The following CCDC171 variants were observed in gnomAD, a reference collection of about 807,000 sequenced individuals.
CCDC171 encodes the protein coiled-coil domain containing 171, also known as coiled-coil domain-containing protein 171.
Under a neutral mutation model 168.2 loss-of-function variants are expected in CCDC171, and 177 were observed. The observed-to-expected ratio is 1.05, with a 90% CI of 0.93 to 1.19. The LOEUF (loss-of-function observed/expected upper bound fraction) is 1.19. CCDC171 is among the 50% of genes most tolerant of loss of function. The probability of loss-of-function intolerance (pLI) is 0.00; values close to 1 mark genes in which losing one functional copy is unlikely to be tolerated. For missense variants in CCDC171, 1,991 were observed against 1,539.0 expected, an observed-to-expected ratio of 1.29 and a Z score of -4.91; for synonymous variants, 687 against 540.8, an observed-to-expected ratio of 1.27 and a Z score of -3.75.
intron 21 of CCDC171, among the ~76,000 whole-genome samples, chr9:15,808,437 T>C (rs976433767): frequency 1.3e-5 from 2 of 151,882 alleles, no homozygotes; most frequent in African/African-American, 2.4e-5. Flanking sequence ...GATGATAGAG[T>C]CCAAACAAGA....
intron 10 of CCDC171, among the ~76,000 whole-genome samples, chr9:15,690,969 T>G (rs999206924): frequency 2.0e-5 from 3 of 152,202 alleles, no homozygotes; most frequent in Non-Finnish European, 4.4e-5. Context: ...TATTGGCAAA[T>G]GGATGCTCAT....
chr9:15,716,618 A>G (rs1221067421), intron 11 of CCDC171, among the ~76,000 whole-genome samples: 1 of 152,178 alleles, frequency 6.6e-6, no homozygotes, highest in Non-Finnish European at 1.5e-5. Context: ...TATTTCTTAC[A>G]GTTCTGGAGG....
chr9:15,636,362 T>C (rs2046199951), intron 7 of CCDC171, among the ~76,000 whole-genome samples: 1 of 152,204 alleles, frequency 6.6e-6, no homozygotes, highest in African/African-American at 2.4e-5. Context: ...CATATTGTCT[T>C]GTGCTGAACA....
At chr9:15,619,010 T>G (rs1587458163) in intron 6 of CCDC171, among the ~76,000 whole-genome samples, 1 of 152,228 alleles carries the variant, frequency 6.6e-6, no homozygotes, top group Middle Eastern at 3.4e-3. Flanking sequence ...CTATTGTAAT[T>G]GTTTTGGGGC....
At chr9:15,796,321 A>T (rs1320546157) in intron 21 of CCDC171, among the ~76,000 whole-genome samples, 1 of 152,158 alleles carries the variant, frequency 6.6e-6, no homozygotes, top group Non-Finnish European at 1.5e-5. Flanking sequence ...GATAATAAGA[A>T]ATTAAGAGGA....
intron 21 of CCDC171, among the ~76,000 whole-genome samples, chr9:15,801,794 T>C (rs745712792): frequency 4.2e-4 from 64 of 152,112 alleles, no homozygotes; most frequent in Non-Finnish European, 8.2e-4. Flanking sequence ...ATGTTCCTTA[T>C]ATCCCCATTT....
intron 14 of CCDC171, 145 bp downstream of exon 14, chr9:15,725,121 A>C (rs118179972): frequency 3.2e-6 from 2 of 624,860 alleles, no homozygotes; most frequent in Non-Finnish European, 5.6e-6. Flanking sequence ...CTACAAAATC[A>C]CTCCATTACT....
chr9:15,554,131 T>G (rs1314426194), intron 1 of CCDC171, among the ~76,000 whole-genome samples: 1 of 152,000 alleles, frequency 6.6e-6, no homozygotes, highest in Non-Finnish European at 1.5e-5. Context: ...GCCATTCTCC[T>G]GTCTCAGCCT....
At chr9:15,866,876 T>C (rs2061811726) in intron 23 of CCDC171, among the ~76,000 whole-genome samples, 1 of 152,058 alleles carries the variant, frequency 6.6e-6, no homozygotes, top group Admixed American at 6.6e-5. Context: ...TGGTACCCAG[T>C]AGGCACTTAA....
chr9:15,620,934 G>T (rs1353250791), intron 6 of CCDC171, among the ~76,000 whole-genome samples: 1 of 150,882 alleles, frequency 6.6e-6, no homozygotes, highest in Non-Finnish European at 1.5e-5. Flanking sequence ...ATGATGGTTA[G>T]CATTTTTTTT....
intron 9 of CCDC171, among the ~76,000 whole-genome samples, chr9:15,669,665 A>G (rs1397207790): frequency 1.3e-5 from 2 of 152,190 alleles, no homozygotes. Flanking sequence ...GCTGGGCAAT[A>G]GTAGGGAGAA....
chr9:15,755,062 T>C (rs1323979648), intron 18 of CCDC171, among the ~76,000 whole-genome samples: 4 of 152,182 alleles, frequency 2.6e-5, no homozygotes, highest in African/African-American at 9.6e-5. Flanking sequence ...ATTGTATGTT[T>C]GAAAGAGGTT....
chr9:15,592,351 G>C (rs961936101), intron 5 of CCDC171, among the ~76,000 whole-genome samples: 1 of 150,202 alleles, frequency 6.7e-6, no homozygotes, highest in African/African-American at 2.5e-5. Flanking sequence ...CCCCAAAAAA[G>C]CAAAAAAACA....
intron 18 of CCDC171, among the ~76,000 whole-genome samples, chr9:15,747,318 C>T (rs1431526332): frequency 6.6e-6 from 1 of 152,190 alleles, no homozygotes; most frequent in African/African-American, 2.4e-5. Context: ...GCTGTGGGCA[C>T]AGCTTCTGCA....
intron 3 of CCDC171, among the ~76,000 whole-genome samples, chr9:16,002,894 A>G (rs1262587606): frequency 6.6e-6 from 1 of 152,238 alleles, no homozygotes; most frequent in Non-Finnish European, 1.5e-5. Context: ...AACATGCTGT[A>G]AAGATTGGTA....
chr9:15,664,539 G>C (rs2048572254), intron 8 of CCDC171, among the ~76,000 whole-genome samples: 1 of 100,662 alleles, frequency 9.9e-6, no homozygotes, highest in Non-Finnish European at 2.0e-5. Flanking sequence ...ATGAGCCACT[G>C]TGCTTGGCCT....
At chr9:15,835,538 C>T (rs536041483) in intron 21 of CCDC171, among the ~76,000 whole-genome samples, 1 of 152,220 alleles carries the variant, frequency 6.6e-6, no homozygotes, top group East Asian at 1.9e-4. Flanking sequence ...AGCAATTCTC[C>T]TGCCCCAGCT....
chr9:16,022,182 C>G (rs1833185324), intron 4 of CCDC171: 1 of 152,222 alleles, frequency 6.6e-6, no homozygotes, highest in Non-Finnish European at 1.5e-5. Context: ...AACCCCATAT[C>G]CTAACCGACA....
intron 11 of CCDC171, among the ~76,000 whole-genome samples, chr9:15,710,892 C>A (rs561336391): frequency 2.5e-4 from 38 of 152,154 alleles, no homozygotes; most frequent in African/African-American, 9.2e-4. Context: ...CCACCGTACC[C>A]GGCCTTCTGT....
Sources: gnomAD v4.1 joint callset for allele counts (sites outside exome capture counted in the v4.1 genomes callset) on GRCh38, gnomAD v4.1.1 for gene constraint, MANE v1.5 for transcripts, NCBI Gene and HGNC (gene_info 2026-07-23, HGNC 2026-07-21) for gene names.